Variants in CNTN5 observed in about 807,000 individuals in gnomAD.
The protein encoded by CNTN5 is contactin-5.
In CNTN5, 77 loss-of-function variants were observed where a neutral mutation model predicts 129.1. The ratio of observed to expected loss-of-function variants is 0.60; its 90% confidence interval spans 0.50 to 0.72. The LOEUF is 0.72. Ranked by LOEUF, CNTN5 falls within the 30% of genes least tolerant of loss-of-function variation. The pLI, the probability that CNTN5 is intolerant of heterozygous loss-of-function variation, is 0.00. For missense variants in CNTN5, 1,478 were observed against 1,328.8 expected (o/e 1.11, Z -1.75); for synonymous variants, 509 against 465.6 (o/e 1.09, Z -1.20).
intron 6 of CNTN5, among the ~76,000 whole-genome samples, chr11:99,860,266 T>A (rs1340785122): frequency 6.6e-6 from 1 of 152,164 alleles, no homozygotes; most frequent in Non-Finnish European, 1.5e-5. Context: ...GGTTTTCTAC[T>A]CTTTTGACAG....
intron 3 of CNTN5, among the ~76,000 whole-genome samples, chr11:99,638,404 A>T (rs767887890): frequency 1.3e-5 from 2 of 152,124 alleles, no homozygotes; most frequent in Non-Finnish European, 2.9e-5. Context: ...TCCAAACCTC[A>T]TGTCCTTGCG....
At chr11:99,407,954 T>G (rs1403229450) in intron 2 of CNTN5, among the ~76,000 whole-genome samples, 2 of 152,152 alleles carry the variant, frequency 1.3e-5, no homozygotes, top group Non-Finnish European at 2.9e-5. Flanking sequence ...AAGTGTGACA[T>G]CGGTGATTCG....
At chr11:100,241,656 C>G (rs1005278518) in intron 16 of CNTN5, among the ~76,000 whole-genome samples, 5 of 152,160 alleles carry the variant, frequency 3.3e-5, no homozygotes, top group African/African-American at 1.2e-4. Flanking sequence ...ACAAATTATA[C>G]TTATCAGGAT....
chr11:100,132,269 C>G (rs1946399478), intron 13 of CNTN5, among the ~76,000 whole-genome samples: 1 of 152,016 alleles, frequency 6.6e-6, no homozygotes, highest in African/African-American at 2.4e-5. Context: ...GGGGCAGTTT[C>G]CTCACTTTTA....
At chr11:99,238,757 A>G (rs1178495712) in intron 1 of CNTN5, among the ~76,000 whole-genome samples, 1 of 152,160 alleles carries the variant, frequency 6.6e-6, no homozygotes, top group Non-Finnish European at 1.5e-5. Flanking sequence ...TCTACATACA[A>G]GTGCATGATC....
At chr11:100,061,173 TGGAGA>T (rs1414846974) in intron 9 of CNTN5, 34 bp from the exon 10 acceptor site, 1 of 1,497,952 alleles carries the variant, frequency 6.7e-7, no homozygotes, top group East Asian at 2.3e-5. Flanking sequence ...TTCCTAACAG[TGGAGA>T]GTGTATTAAC....
intron 6 of CNTN5, among the ~76,000 whole-genome samples, chr11:99,912,343 T>C (rs994606409): frequency 6.6e-6 from 1 of 152,044 alleles, no homozygotes; most frequent in Non-Finnish European, 1.5e-5. Flanking sequence ...TGTGACAAGC[T>C]GAGCTTTGAG....
At chr11:99,985,848 T>C (rs1032671931) in intron 8 of CNTN5, among the ~76,000 whole-genome samples, 3 of 152,210 alleles carry the variant, frequency 2.0e-5, no homozygotes, top group Non-Finnish European at 4.4e-5. Flanking sequence ...CATATATACA[T>C]CAATGATCCA....
At chr11:99,712,658 A>C (rs1442862043) in intron 3 of CNTN5, among the ~76,000 whole-genome samples, 2 of 152,022 alleles carry the variant, frequency 1.3e-5, no homozygotes, top group African/African-American at 4.8e-5. Context: ...TTTTTGTATA[A>C]GGTGTAAGGA....
chr11:100,041,987 C>A (rs762466856), intron 9 of CNTN5, among the ~76,000 whole-genome samples: 6 of 152,100 alleles, frequency 3.9e-5, no homozygotes, highest in Non-Finnish European at 8.8e-5. Flanking sequence ...AAGTTAGATG[C>A]AGTTAATTTA....
At chr11:99,681,039 G>A (rs781735966) in intron 3 of CNTN5, among the ~76,000 whole-genome samples, 4 of 151,900 alleles carry the variant, frequency 2.6e-5, no homozygotes, top group Non-Finnish European at 4.4e-5. Flanking sequence ...AAAATATCAA[G>A]AACTAGAATT....
intron 3 of CNTN5, among the ~76,000 whole-genome samples, chr11:99,575,776 GAC>G (rs1317781288): frequency 6.6e-6 from 1 of 152,184 alleles, no homozygotes; most frequent in African/African-American, 2.4e-5. Flanking sequence ...AATGCCACCA[GAC>G]AGGAGGAGGT....
At chr11:99,174,572 A>C (rs966440539) in intron 1 of CNTN5, among the ~76,000 whole-genome samples, 1 of 152,150 alleles carries the variant, frequency 6.6e-6, no homozygotes, top group African/African-American at 2.4e-5. Flanking sequence ...CATGGAGGAC[A>C]GTACAAAGTC....
At chr11:99,274,650 A>C (rs1863340367) in intron 1 of CNTN5, among the ~76,000 whole-genome samples, 1 of 151,588 alleles carries the variant, frequency 6.6e-6, no homozygotes, top group East Asian at 1.9e-4. Context: ...TACTATATAT[A>C]TATGAATACC....
intron 1 of CNTN5, among the ~76,000 whole-genome samples, chr11:99,080,970 T>C (rs1865765106): frequency 7.2e-6 from 1 of 138,912 alleles, no homozygotes; most frequent in Non-Finnish European, 1.5e-5. Flanking sequence ...GCCCACCTAC[T>C]GAGAAATCAG....
intron 8 of CNTN5, among the ~76,000 whole-genome samples, chr11:99,978,725 G>A (rs960617317): frequency 1.3e-4 from 20 of 152,110 alleles, no homozygotes; most frequent in African/African-American, 4.1e-4. Flanking sequence ...TAACAGCAAC[G>A]AAATTGCCTA....
chr11:99,774,887 A>C (rs1310051514), intron 3 of CNTN5, among the ~76,000 whole-genome samples: 1 of 152,118 alleles, frequency 6.6e-6, no homozygotes, highest in African/African-American at 2.4e-5. Flanking sequence ...TCTTTCAAAA[A>C]ACCAGTAACC....
At chr11:100,003,692 T>C (rs1425997401) in intron 9 of CNTN5, 1 of 152,192 alleles carries the variant, frequency 6.6e-6, no homozygotes, top group Admixed American at 6.5e-5. Flanking sequence ...TTACAGTCTC[T>C]TTCATTCTAG....
intron 8 of CNTN5, among the ~76,000 whole-genome samples, chr11:99,961,481 A>G (rs929672716): frequency 6.6e-6 from 1 of 152,316 alleles, no homozygotes; most frequent in Non-Finnish European, 1.5e-5. Context: ...GAAAACTAAA[A>G]CACAGAATAA....
Sources: allele counts gnomAD v4.1 joint callset (sites outside exome capture counted in the v4.1 genomes callset), GRCh38; gene constraint gnomAD v4.1.1; transcripts MANE v1.5; gene names NCBI Gene and HGNC (gene_info 2026-07-23, HGNC 2026-07-21).